LIPI: variants seen among roughly 807,000 people sequenced by gnomAD.
LIPI encodes lipase I.
In LIPI, 59 loss-of-function variants were observed where a neutral mutation model predicts 50.6. That is an observed-to-expected ratio of 1.16 (90% CI 0.94 to 1.45). The LOEUF (loss-of-function observed/expected upper bound fraction) is 1.45. Among genes scored for constraint, LIPI ranks in the 40% most tolerant of loss-of-function variants. LIPI has a pLI of 0.00. For missense variants in LIPI, 586 were observed against 536.3 expected (o/e 1.09, Z -0.92); for synonymous variants, 203 against 178.2 (o/e 1.14, Z -1.11).
At chr21:14,169,103 A>G (rs1217030824) in intron 4 of LIPI, among the ~76,000 whole-genome samples, 2 of 152,332 alleles carry the variant, frequency 1.3e-5, no homozygotes, top group Non-Finnish European at 2.9e-5. Context: ...ACAAAGATCA[A>G]AAGAGACAAA....
In LIPI at chr21:14,206,960, T is replaced by G. The variant is rs571045748; in HGVS notation, c.46+3840A>C. On this transcript the variant is annotated intron_variant, in intron 1 of 9. Coordinates refer to ENST00000681601, the MANE Select transcript of LIPI (RefSeq NM_001302998.2). ...TATCAGAAGTTCACTAGCTCTTTGTTTATTCATGTATAATAAGAAGGAAGA... is the reference window on the plus strand; with the variant it reads ...TATCAGAAGTTCACTAGCTCTTTGTGTATTCATGTATAATAAGAAGGAAGA... The G allele has an allele frequency of 1.9e-4, 249 of 1,328,912 alleles. 4 individuals carry two copies. In the South Asian group the frequency reaches 2.8e-3, roughly 15 times the overall value. The allele number at this position is 1,328,912 out of a possible 1,614,324, so 82.3% of individuals were successfully genotyped here. A position where few individuals can be genotyped will look rare whatever the true frequency, so the allele number is the denominator to read the frequency against.
At chr21:14,189,503 G>T in intron 1 of LIPI, 84 bp from the exon 2 acceptor site, 2 of 1,200,720 alleles carry the variant, frequency 1.7e-6, no homozygotes, top group Non-Finnish European at 2.4e-6. Flanking sequence ...AATTAAATGT[G>T]GAGGGTAGGG....
At chr21:14,118,151 A>G (rs1431078301) in intron 9 of LIPI, among the ~76,000 whole-genome samples, 2 of 152,088 alleles carry the variant, frequency 1.3e-5, no homozygotes, top group African/African-American at 4.8e-5. Flanking sequence ...TCACTGGGCA[A>G]GGCATAGTAA....
At chr21:14,130,041 A>C (rs994695544) in intron 9 of LIPI, among the ~76,000 whole-genome samples, 19 of 152,182 alleles carry the variant, frequency 1.2e-4, no homozygotes, top group African/African-American at 4.1e-4. Flanking sequence ...ACAGTGGAGG[A>C]AACATTTTAG....
intron 8 of LIPI, 99 bp downstream of exon 8, chr21:14,152,474 T>C: frequency 1.5e-6 from 1 of 657,130 alleles, no homozygotes; most frequent in Non-Finnish European, 2.7e-6. Flanking sequence ...CTCTCTAGAT[T>C]AAAAAATAAA....
chr21:14,180,764 T>A (rs1408782433), intron 4 of LIPI, among the ~76,000 whole-genome samples: 4 of 152,100 alleles, frequency 2.6e-5, no homozygotes, highest in Admixed American at 2.0e-4. Flanking sequence ...ACCAGTGGAG[T>A]CTCAGTCTAT....
At chr21:14,138,613 T>C (rs1200397150) in intron 9 of LIPI, among the ~76,000 whole-genome samples, 1 of 152,042 alleles carries the variant, frequency 6.6e-6, no homozygotes, top group East Asian at 1.9e-4. Flanking sequence ...ATATTTATTA[T>C]ATATTTGGAA....
intron 4 of LIPI, 89 bp downstream of exon 4, chr21:14,181,669 G>GT (rs762936687): frequency 1.4e-5 from 10 of 734,444 alleles, no homozygotes; most frequent in East Asian, 8.0e-5. Context: ...TATCCATGAT[G>GT]TTTTTTCTTC....
intron 9 of LIPI, among the ~76,000 whole-genome samples, chr21:14,122,256 T>C (rs2016891466): frequency 6.6e-6 from 1 of 152,146 alleles, no homozygotes; most frequent in African/African-American, 2.4e-5. Context: ...TGTACAGGAA[T>C]CCCCTGGGGA....
chr21:14,163,456 A>C lies in LIPI; in HGVS notation c.969T>G (p.Thr323=). The change falls in exon 7 of 10, where the codon ACT becomes ACG. Residue 323 remains threonine, a synonymous_variant. Transcript: ENST00000681601. ...ATGTACCACTTGTATCCAAAAACAC[A>C]GTGGTCCTAAGAGGTCTTCCTTCCA... ...ERMEGRPLRT[T]VFLDTSGTYP... is the part of the protein sequence containing the mutation. 6.3e-7 allele frequency: 1 copy of C among 1,575,072 alleles called. No individual in the cohort carries two copies. Among genetic ancestry groups the C allele is most frequent in the Non-Finnish European group, 8.7e-7 (1 of 1,144,786 alleles).
chr21:14,153,973 A>T (rs1315101347), intron 7 of LIPI, among the ~76,000 whole-genome samples: 1 of 152,186 alleles, frequency 6.6e-6, no homozygotes, highest in African/African-American at 2.4e-5. Flanking sequence ...ATGCTTCAGG[A>T]TTGTGGTAAT....
At chr21:14,121,024 C>T (rs141393144) in intron 9 of LIPI, among the ~76,000 whole-genome samples, 1 of 152,288 alleles carries the variant, frequency 6.6e-6, no homozygotes, top group African/African-American at 2.4e-5. Context: ...TACCAAACTG[C>T]CTCAGGCTGG....
At chr21:14,151,663 G>GA (rs1287850054) in intron 8 of LIPI, among the ~76,000 whole-genome samples, 2 of 151,990 alleles carry the variant, frequency 1.3e-5, no homozygotes, top group Non-Finnish European at 2.9e-5. Context: ...TAGTGTGCCC[G>GA]TTTATATCAT....
chr21:14,158,231 T>C (rs1212777665), intron 7 of LIPI, among the ~76,000 whole-genome samples: 1 of 151,740 alleles, frequency 6.6e-6, no homozygotes, highest in African/African-American at 2.4e-5. Flanking sequence ...AGGACGTTGT[T>C]AAAAAATTTA....
intron 1 of LIPI, among the ~76,000 whole-genome samples, chr21:14,198,341 C>G (rs942876276): frequency 6.6e-6 from 1 of 152,030 alleles, no homozygotes; most frequent in Non-Finnish European, 1.5e-5. Flanking sequence ...GATAAAGTGC[C>G]AAGACCCATT....
At chr21:14,130,757 T>A (rs1458725154) in intron 9 of LIPI, among the ~76,000 whole-genome samples, 1 of 151,942 alleles carries the variant, frequency 6.6e-6, no homozygotes, top group African/African-American at 2.4e-5. Flanking sequence ...CAATAACTAC[T>A]CCCCTAATGC....
intron 3 of LIPI, among the ~76,000 whole-genome samples, chr21:14,184,503 A>G (rs2019386885): frequency 6.6e-6 from 1 of 152,196 alleles, no homozygotes; most frequent in Non-Finnish European, 1.5e-5. Flanking sequence ...AAAAATTTAA[A>G]TAAAACTGAA....
At chr21:14,145,949 G>T (rs955506778) in intron 8 of LIPI, among the ~76,000 whole-genome samples, 1 of 152,050 alleles carries the variant, frequency 6.6e-6, no homozygotes, top group Non-Finnish European at 1.5e-5. Flanking sequence ...TCCTGGCAGG[G>T]TTACCACCTT....
chr21:14,179,955 G>T (rs1284940727), intron 4 of LIPI, among the ~76,000 whole-genome samples: 1 of 152,182 alleles, frequency 6.6e-6, no homozygotes, highest in African/African-American at 2.4e-5. Flanking sequence ...CTTGCAGAGA[G>T]CGTATAAACG....
Sources: allele counts gnomAD v4.1 joint callset (sites outside exome capture counted in the v4.1 genomes callset), GRCh38; gene constraint gnomAD v4.1.1; transcripts MANE v1.5; gene names NCBI Gene and HGNC (gene_info 2026-07-23, HGNC 2026-07-21).